The following NWD1 variants were observed in gnomAD, a reference collection of about 807,000 sequenced individuals.
The protein encoded by NWD1 is NACHT and WD repeat domain containing 1, also known as NACHT domain- and WD repeat-containing protein 1.
In NWD1, 129 loss-of-function variants were observed where a neutral mutation model predicts 135.1. That is an observed-to-expected ratio of 0.96 (90% CI 0.83 to 1.11). NWD1 has a LOEUF of 1.11. NWD1 is among the 50% of genes least tolerant of loss of function. NWD1 has a pLI of 0.00. For missense variants in NWD1, 1,740 were observed against 1,851.3 expected, an observed-to-expected ratio of 0.94 and a Z score of 1.10; for synonymous variants, 773 against 786.0, an observed-to-expected ratio of 0.98 and a Z score of 0.28.
At chr19:16,748,103 C>A (rs1968399284) in intron 5 of NWD1, among the ~76,000 whole-genome samples, 1 of 152,156 alleles carries the variant, frequency 6.6e-6, no homozygotes, top group Admixed American at 6.6e-5. Context: ...CCTGTCTTAG[C>A]CTCTTGAGTA....
intron 17 of NWD1, among the ~76,000 whole-genome samples, chr19:16,805,718 C>T (rs1478672237): frequency 6.6e-6 from 1 of 152,162 alleles, no homozygotes; most frequent in Non-Finnish European, 1.5e-5. Flanking sequence ...TTGCTCCCTG[C>T]CAACCCCCAG....
chr19:16,750,220 C>T lies in NWD1; in HGVS notation c.1578C>T (p.Ser526=). Residue 526 remains serine, a synonymous_variant, in exon 6 of 19, where the codon AGC becomes AGT. Coordinates refer to ENST00000524140, the MANE Select transcript of NWD1 (RefSeq NM_001007525.5). ...TGCACACAGATTTGCTCTGGGCCAGCCTCCCAGAGTGTGGGAACCCAGGGC... is the reference window on the plus strand; with the variant it reads ...TGCACACAGATTTGCTCTGGGCCAGTCTCCCAGAGTGTGGGAACCCAGGGC... ...SPVHTDLLWA[S]LPECGNPGRL... 6.2e-7 allele frequency: 1 copy of T among 1,613,104 alleles called. No homozygotes were observed. Among genetic ancestry groups the T allele is most frequent in the Non-Finnish European group, 8.5e-7 (1 of 1,179,624 alleles).
At chr19:16,730,521 C>A (rs146942210) in intron 2 of NWD1, among the ~76,000 whole-genome samples, 1 of 151,898 alleles carries the variant, frequency 6.6e-6, no homozygotes, top group East Asian at 1.9e-4. Flanking sequence ...TGAGGCCAGC[C>A]TAGAAAACAT....
intron 5 of NWD1, among the ~76,000 whole-genome samples, chr19:16,747,325 G>A (rs1229082331): frequency 3.4e-5 from 5 of 149,226 alleles, no homozygotes; most frequent in South Asian, 2.1e-4. Context: ...ATGAGCACCC[G>A]CGCCTGGCTG....
Position 16,770,354 on chromosome 19 carries a change from C to T in NWD1, c.2411-2772C>T, listed in dbSNP as rs141055598. 5.8e-3 allele frequency among the ~76,000 whole-genome samples: 879 copies of T among 152,222 alleles called. 37 individuals carry two copies. The highest frequency in any genetic ancestry group is 0.053 in the Admixed American group (812 of 15,258). ...TCAGCTCTCATTCTTCTCTCTCCTC[C>T]CGCCTTGTGAAGAAGGGCGTGTTTG... is the stretch of plus-strand genomic sequence containing the variant. On this transcript the variant is annotated intron_variant, in intron 10 of 18. Coordinates refer to ENST00000524140, the MANE Select transcript of NWD1 (RefSeq NM_001007525.5).
intron 4 of NWD1, among the ~76,000 whole-genome samples, chr19:16,743,072 C>T (rs1016392372): frequency 3.3e-5 from 5 of 151,878 alleles, no homozygotes; most frequent in African/African-American, 9.7e-5. Flanking sequence ...GCCACCATGC[C>T]TGGCTAATTT....
At chr19:16,737,497 T>A (rs1230028715) in intron 4 of NWD1, among the ~76,000 whole-genome samples, 2 of 151,114 alleles carry the variant, frequency 1.3e-5, no homozygotes, top group African/African-American at 4.9e-5. Flanking sequence ...GCACAAGTGA[T>A]CCTCCCACCT....
rs766686156 is a variant in NWD1, at chr19:16,762,110, T to G, written c.2105T>G (p.Val702Gly). Residue 702 changes from valine (V) to glycine (G), a missense_variant, in exon 8 of 19, where the codon GTG becomes GGG. Val to Gly is a moderately radical substitution (Grantham distance 109, BLOSUM62 -3). Coordinates refer to ENST00000524140, the MANE Select transcript of NWD1 (RefSeq NM_001007525.5). ...AAGAAGCTCATCACTCTGCCACTTG[T>G]GGGGAAACCACTGAACTTGGACCGA... ...GTKKLITLPL[V>G]GKPLNLDRKV... The G allele has an allele frequency of 1.2e-6, 2 of 1,614,030 alleles. No individual in the cohort carries two copies. The highest frequency in any genetic ancestry group is 8.5e-7 in the Non-Finnish European group (1 of 1,179,968).
At chr19:16,813,780 A>C (rs991569465) in intron 18 of NWD1, among the ~76,000 whole-genome samples, 2 of 151,938 alleles carry the variant, frequency 1.3e-5, no homozygotes, top group Non-Finnish European at 2.9e-5. Flanking sequence ...CCTGGCCAGA[A>C]GCAGCCTGTT....
chr19:16,790,194 T>C (rs1320196090), intron 13 of NWD1, among the ~76,000 whole-genome samples: 1 of 152,152 alleles, frequency 6.6e-6, no homozygotes, highest in Non-Finnish European at 1.5e-5. Context: ...AAATCTTTAT[T>C]TAACTACCAG....
At chr19:16,785,699 A>C (rs1970014816) in intron 12 of NWD1, among the ~76,000 whole-genome samples, 2 of 148,960 alleles carry the variant, frequency 1.3e-5, no homozygotes, top group Admixed American at 1.4e-4. Context: ...ATGTATGTAA[A>C]ACATAATATA....
intron 18 of NWD1, among the ~76,000 whole-genome samples, chr19:16,810,957 C>T (rs1011428687): frequency 3.3e-5 from 5 of 152,098 alleles, no homozygotes; most frequent in African/African-American, 1.2e-4. Flanking sequence ...CCTCCGCCTC[C>T]TGGGTTCAGG....
intron 4 of NWD1, among the ~76,000 whole-genome samples, chr19:16,739,100 C>G (rs2122744588): frequency 6.7e-6 from 1 of 149,654 alleles, no homozygotes; most frequent in South Asian, 2.1e-4. Context: ...GTTTGGAAAA[C>G]TCTACATTCT....
At chr19:16,780,407 C>T (rs1263632916) in intron 12 of NWD1, among the ~76,000 whole-genome samples, 3 of 152,222 alleles carry the variant, frequency 2.0e-5, no homozygotes, top group East Asian at 1.9e-4. Flanking sequence ...CCACCCACCT[C>T]GTCCTCCCAA....
chr19:16,805,336 G>C (rs1169148627), intron 17 of NWD1, among the ~76,000 whole-genome samples: 1 of 152,062 alleles, frequency 6.6e-6, no homozygotes, highest in African/African-American at 2.4e-5. Context: ...TAGGATTACA[G>C]GTGTGCACCA....
chr19:16,753,243 T>C (rs1968648800), intron 6 of NWD1, among the ~76,000 whole-genome samples: 1 of 152,204 alleles, frequency 6.6e-6, no homozygotes, highest in African/African-American at 2.4e-5. Flanking sequence ...GGAGCCCATA[T>C]TTCTGTGACC....
At chr19:16,786,627 A>G (rs951235324) in intron 12 of NWD1, among the ~76,000 whole-genome samples, 1 of 151,602 alleles carries the variant, frequency 6.6e-6, no homozygotes, top group African/African-American at 2.4e-5. Context: ...GCTCACTGCA[A>G]CCTCTGCTTC....
chr19:16,752,593 A>G (rs572322463), intron 6 of NWD1, among the ~76,000 whole-genome samples: 2 of 152,210 alleles, frequency 1.3e-5, no homozygotes, highest in South Asian at 2.1e-4. Flanking sequence ...GTAAGCCATA[A>G]TTGTGCCACT....
At chr19:16,745,925 T>C (rs1321171517) in intron 5 of NWD1, among the ~76,000 whole-genome samples, 1 of 151,548 alleles carries the variant, frequency 6.6e-6, no homozygotes, top group Admixed American at 6.6e-5. Context: ...TCTAAATAAA[T>C]AAATTAATTA....
Sources: allele counts gnomAD v4.1 joint callset (sites outside exome capture counted in the v4.1 genomes callset), GRCh38; gene constraint gnomAD v4.1.1; transcripts MANE v1.5; gene names NCBI Gene and HGNC (gene_info 2026-07-23, HGNC 2026-07-21).